CDH4: variants seen among roughly 807,000 people sequenced by gnomAD.
CDH4 encodes cadherin 4, also known as cadherin-4.
A neutral mutation model predicts 86.0 loss-of-function variants in CDH4; 33 were observed. That is an observed-to-expected ratio of 0.38 (90% CI 0.29 to 0.51). CDH4 has a LOEUF of 0.51. CDH4 is among the 20% of genes least tolerant of loss of function. The probability of loss-of-function intolerance (pLI) is 0.86; values close to 1 mark genes in which losing one functional copy is unlikely to be tolerated. For missense variants in CDH4, 1,114 were observed against 1,307.4 expected, an observed-to-expected ratio of 0.85 and a Z score of 2.28; for synonymous variants, 555 against 549.4, an observed-to-expected ratio of 1.01 and a Z score of -0.14.
At chr20:61,799,501 G>A (rs957092226) in intron 4 of CDH4, among the ~76,000 whole-genome samples, 4 of 152,206 alleles carry the variant, frequency 2.6e-5, no homozygotes, top group African/African-American at 9.6e-5. Context: ...CCCAGAGCCT[G>A]GGCCTGCGTT....
rs762603084 is a variant in CDH4 at position 61,406,226 on chromosome 20, CCCGG to C, written c.169+151290_169+151293del. On this transcript the variant is annotated intron_variant, in intron 2 of 15. Coordinates refer to ENST00000614565, the MANE Select transcript of CDH4 (RefSeq NM_001794.5). ...TCACCCCAGACCACCATCTGCTCTA[CCCGG>C]ACCACCATCTGCTCTACCCGGACCA... 1.7e-3 allele frequency among the ~76,000 whole-genome samples: 252 copies of C among 151,814 alleles called. 2 individuals carry two copies. Among genetic ancestry groups the C allele is most frequent in the Non-Finnish European group, 2.5e-3 (171 of 67,876 alleles).
chr20:61,550,745 T>A (rs2086123486), intron 2 of CDH4, among the ~76,000 whole-genome samples: 1 of 152,202 alleles, frequency 6.6e-6, no homozygotes, highest in African/African-American at 2.4e-5. Flanking sequence ...CACATGGTGG[T>A]GTCTGTGCTC....
rs539594203 is a variant in CDH4 at position 61,899,891 on chromosome 20, G to T, written c.1188+4844G>T. ...GAAATACAGATTTTTCTCTCAAAGG[G>T]GTTAAAAATGGTTTTGCCAGAGGCA... On this transcript the variant is annotated intron_variant, in intron 8 of 15. Coordinates refer to ENST00000614565, the MANE Select transcript of CDH4 (RefSeq NM_001794.5). Among the ~76,000 whole-genome samples, 3 of 152,302 alleles carry T rather than the reference G, an allele frequency of 2.0e-5. No homozygotes were observed. The East Asian group carries it at 5.8e-4, about 29-fold the overall frequency.
At chr20:61,429,709 A>G (rs1325497761) in intron 2 of CDH4, among the ~76,000 whole-genome samples, 2 of 143,848 alleles carry the variant, frequency 1.4e-5, no homozygotes, top group Non-Finnish European at 3.0e-5. Flanking sequence ...ATGGGTGGAT[A>G]GATGGGTGGA....
rs763290922 is a variant in CDH4, at chr20:61,933,070, C to T, written c.2325C>T (p.Asp775=). 7.4e-6 allele frequency: 12 copies of T among 1,613,224 alleles called. No individual in the cohort carries two copies. Among genetic ancestry groups the T allele is most frequent in the Middle Eastern group, 1.7e-4 (1 of 6,060 alleles). Residue 775 remains aspartate, a synonymous_variant, in exon 14 of 16, where the codon GAC becomes GAT. Transcript: ENST00000614565. ...TKQLLIDPED[D]VRDNILKYDE... ...AGCTGCTCATTGACCCCGAGGACGA[C>T]GTCCGCGACAACATCCTCAAGTATG...
chr20:61,888,173 C>T (rs561514443), intron 7 of CDH4, among the ~76,000 whole-genome samples: 419 of 152,284 alleles, frequency 2.8e-3, no homozygotes, highest in Non-Finnish European at 5.2e-3. Context: ...CCTGCAGAGC[C>T]GCCGCCACTG....
chr20:61,625,282 T>C (rs1387235638), intron 2 of CDH4, among the ~76,000 whole-genome samples: 2 of 152,168 alleles, frequency 1.3e-5, no homozygotes, highest in African/African-American at 4.8e-5. Flanking sequence ...TTTGACCAAG[T>C]TTGTTTCTCT....
At position 61,933,118 on chromosome 20, in the gene CDH4, G is replaced by C; in HGVS notation, c.2373G>C (p.Glu791Asp). 1 of 1,612,612 alleles carries C rather than the reference G, an allele frequency of 6.2e-7. No individual in the cohort carries two copies. Among genetic ancestry groups the C allele is most frequent in the Non-Finnish European group, 8.5e-7 (1 of 1,179,682 alleles). Residue 791 changes from glutamate (E) to aspartate (D), a missense_variant, in exon 14 of 16, where the codon GAG becomes GAC. Physicochemically the swap from Glu to Asp is conservative, Grantham distance 45 (BLOSUM62 2). Around this residue, in one of 3 missense-constraint regions of CDH4, gnomAD observed 188 missense variants for 183.8 expected, o/e 1.02. Coordinates refer to ENST00000614565, the MANE Select transcript of CDH4 (RefSeq NM_001794.5). ...ATGACGAGGAAGGCGGTGGCGAGGA[G>C]GACCAGGTGAGACTGCGGCCCGCCC... The part of the protein sequence containing the change: ...LKYDEEGGGE[E>D]DQDYDLSQLQ...
At position 61,700,820 on chromosome 20, in the gene CDH4, G is replaced by A. The variant is rs145693417; in HGVS notation, c.170-42743G>A. On this transcript the variant is annotated intron_variant, in intron 2 of 15. Transcript: ENST00000614565. ...GCAGAGCCGGGGTTGCCGGCTCAGC[G>A]GGTGAGTGCCACATGAGTCTTGCCT... Among the ~76,000 whole-genome samples, 1,035 of 152,330 alleles carry A rather than the reference G, an allele frequency of 6.8e-3. 15 individuals carry two copies. Among genetic ancestry groups the A allele is most frequent in the African/African-American group, 0.023 (944 of 41,574 alleles).
chr20:61,583,641 C>T (rs1268909976), intron 2 of CDH4, among the ~76,000 whole-genome samples: 1 of 152,198 alleles, frequency 6.6e-6, no homozygotes, highest in Non-Finnish European at 1.5e-5. Flanking sequence ...CTGGCCTGAT[C>T]TCTCTCCACT....
At chr20:61,813,615 C>G (rs188376060) in intron 4 of CDH4, among the ~76,000 whole-genome samples, 67 of 152,306 alleles carry the variant, frequency 4.4e-4, no homozygotes, top group African/African-American at 1.5e-3. Context: ...AGCGGTCGTT[C>G]TGCTGGCTCA....
chr20:61,322,694 C>T (rs775719790), intron 2 of CDH4, among the ~76,000 whole-genome samples: 5 of 152,154 alleles, frequency 3.3e-5, no homozygotes, highest in Non-Finnish European at 5.9e-5. Context: ...CTTCATCCAA[C>T]GCTGAGACGC....
intron 3 of CDH4, among the ~76,000 whole-genome samples, chr20:61,752,787 G>C (rs188307857): frequency 6.6e-6 from 1 of 152,170 alleles, no homozygotes; most frequent in African/African-American, 2.4e-5. Flanking sequence ...GCAGGAACAC[G>C]TGTCAGCCGA....
At position 61,446,483 on chromosome 20, in the gene CDH4, G is replaced by A. The variant is rs6061440; in HGVS notation, c.169+191546G>A. Among the ~76,000 whole-genome samples, 419 of 152,186 alleles carry A rather than the reference G, an allele frequency of 2.8e-3. 4 individuals carry two copies. The highest frequency in any genetic ancestry group is 0.01 in the Middle Eastern group (3 of 294). ...CTATTGGCATCACTTGCACTGTTCC[G>A]TGTCATCAAACGTTCATAGCTGCAT... On this transcript the variant is annotated intron_variant, in intron 2 of 15. Transcript: ENST00000614565.
Position 61,665,111 on chromosome 20 carries a change from G to A in CDH4, c.170-78452G>A, listed in dbSNP as rs575132325. Among the ~76,000 whole-genome samples, 15 of 152,330 alleles carry A rather than the reference G, an allele frequency of 9.8e-5. No homozygotes were observed. The Middle Eastern group carries it at 0.01, about 104-fold the overall frequency. The stretch of plus-strand genomic sequence containing the variant: ...CCCTGAGTCAGAAGGGAGGTGGGAC[G>A]AGTTGAGAAGGACAATCCAGCCGGA... On this transcript the variant is annotated intron_variant, in intron 2 of 15. Coordinates refer to ENST00000614565, the MANE Select transcript of CDH4 (RefSeq NM_001794.5).
chr20:61,822,883 C>T (rs946329717), intron 4 of CDH4, among the ~76,000 whole-genome samples: 1 of 152,090 alleles, frequency 6.6e-6, no homozygotes, highest in Non-Finnish European at 1.5e-5. Context: ...ACAGTATTGC[C>T]AGAGGAGCAG....
rs1270237399 is a variant in CDH4 at position 61,573,018 on chromosome 20, ATGGATGGATGGT to A, written c.170-170533_170-170522del. Among the ~76,000 whole-genome samples, 527 of 137,844 alleles carry A rather than the reference ATGGATGGATGGT, an allele frequency of 3.8e-3. 5 individuals are homozygous for A. Among genetic ancestry groups the A allele is most frequent in the African/African-American group, 0.014 (465 of 32,344 alleles). The allele number at this position is 137,844 out of a possible 152,430, so 90.4% of individuals were successfully genotyped here. On this transcript the variant is annotated intron_variant, in intron 2 of 15. Transcript: ENST00000614565. Reference sequence around the variant, plus strand: ...GACGGACGGATGGATGGATTGATGGATGGATGGATGGTTGGATGGATGGATGGATGGATGGAT... The same window carrying A: ...GACGGACGGATGGATGGATTGATGGATGGATGGATGGATGGATGGATGGAT...
intron 2 of CDH4, among the ~76,000 whole-genome samples, chr20:61,577,758 C>T (rs2086394320): frequency 6.6e-6 from 1 of 152,144 alleles, no homozygotes; most frequent in Non-Finnish European, 1.5e-5. Flanking sequence ...TTGATTAAAT[C>T]TCTGGGTGGC....
At chr20:61,871,566 A>C (rs1983803339) in intron 6 of CDH4, among the ~76,000 whole-genome samples, 1 of 152,214 alleles carries the variant, frequency 6.6e-6, no homozygotes. Flanking sequence ...GCTGCACTTC[A>C]GGGTTTTCCT....
Sources: allele counts gnomAD v4.1 joint callset (sites outside exome capture counted in the v4.1 genomes callset), GRCh38; gene constraint gnomAD v4.1.1; regional missense constraint gnomAD v4.1.1; transcripts MANE v1.5; gene names NCBI Gene and HGNC (gene_info 2026-07-23, HGNC 2026-07-21).